ANO3: variants seen among roughly 807,000 people sequenced by gnomAD.
The protein encoded by ANO3 is anoctamin 3.
In ANO3, 99 loss-of-function variants were observed where a neutral mutation model predicts 144.8. The observed-to-expected ratio is 0.68, with a 90% CI of 0.58 to 0.81. The LOEUF is 0.81. Ranked by LOEUF, ANO3 falls within the 30% of genes least tolerant of loss-of-function variation. ANO3 has a pLI of 0.00. For missense variants in ANO3, 905 were observed against 1,202.2 expected, an observed-to-expected ratio of 0.75 and a Z score of 3.66; for synonymous variants, 414 against 392.6, an observed-to-expected ratio of 1.05 and a Z score of -0.64.
intron 14 of ANO3, among the ~76,000 whole-genome samples, chr11:26,579,485 CA>C (rs1365671974): frequency 6.6e-6 from 1 of 152,114 alleles, no homozygotes; most frequent in African/African-American, 2.4e-5. Context: ...ATAACAATGA[CA>C]AAAGACTTAC....
intron 1 of ANO3, among the ~76,000 whole-genome samples, chr11:26,276,410 T>C (rs191085650): frequency 1.2e-4 from 19 of 152,262 alleles, no homozygotes; most frequent in Middle Eastern, 6.8e-3. Context: ...TTCATTTGTA[T>C]AGGCAAATTT....
intron 1 of ANO3, among the ~76,000 whole-genome samples, chr11:26,401,018 T>A (rs117620216): frequency 0.044 from 6,653 of 152,128 alleles, 208 homozygotes; most frequent in Middle Eastern, 0.068. Flanking sequence ...TTTTGATACG[T>A]TTCTATGGCT....
intron 4 of ANO3, among the ~76,000 whole-genome samples, chr11:26,482,371 C>T (rs942027000): frequency 1.3e-5 from 2 of 151,114 alleles, no homozygotes. Context: ...TTGTTGAATA[C>T]TTACAAATCT....
intron 4 of ANO3, among the ~76,000 whole-genome samples, chr11:26,472,043 A>T (rs1859802976): frequency 6.6e-6 from 1 of 152,010 alleles, no homozygotes; most frequent in Non-Finnish European, 1.5e-5. Flanking sequence ...GGGATGTGAA[A>T]GTAAATTCAA....
chr11:26,403,453 G>A (rs1387732526), intron 1 of ANO3, among the ~76,000 whole-genome samples: 1 of 151,780 alleles, frequency 6.6e-6, no homozygotes, highest in Non-Finnish European at 1.5e-5. Flanking sequence ...AAATCCTTTT[G>A]GCTCTAATTT....
chr11:26,389,782 G>T (rs1224790611), intron 1 of ANO3, among the ~76,000 whole-genome samples: 1 of 151,876 alleles, frequency 6.6e-6, no homozygotes, highest in Admixed American at 6.6e-5. Context: ...TTTTCTTTTT[G>T]AATAAAAGAT....
rs188844916 is a variant in ANO3 at position 26,271,141 on chromosome 11, G to C, written c.155-38504G>C. 8.5e-5 allele frequency among the ~76,000 whole-genome samples: 13 copies of C among 152,338 alleles called. No homozygotes were observed. In the East Asian group the frequency reaches 9.6e-4, roughly 11 times the overall value. On this transcript the variant is annotated intron_variant, in intron 1 of 27. Transcript: ENST00000672621. ...CTTCTGAAAAGATAATTCTAAAAGA[G>C]TGACAGATCGTTTTCAAGAGAATGA...
At chr11:26,644,677 A>G (rs1230265647) in intron 23 of ANO3, among the ~76,000 whole-genome samples, 3 of 152,092 alleles carry the variant, frequency 2.0e-5, no homozygotes, top group East Asian at 1.9e-4. Flanking sequence ...TTGTTGTTCT[A>G]TTTACTAGCA....
chr11:26,395,765 C>T (rs1856996467), intron 1 of ANO3, among the ~76,000 whole-genome samples: 1 of 152,032 alleles, frequency 6.6e-6, no homozygotes, highest in African/African-American at 2.4e-5. Flanking sequence ...AAACTGGACC[C>T]CTTCCTTACA....
chr11:26,537,544 C>A, intron 10 of ANO3, 83 bp downstream of exon 10: 1 of 1,146,142 alleles, frequency 8.7e-7, no homozygotes, highest in Non-Finnish European at 1.3e-6. Context: ...TTGAATCTAG[C>A]TGTCCACTCC....
intron 17 of ANO3, among the ~76,000 whole-genome samples, chr11:26,608,064 G>C (rs10835012): frequency 0.28 from 42,334 of 152,136 alleles, 6,407 homozygotes; most frequent in South Asian, 0.46. Context: ...TCTCATCTTC[G>C]TTAGTTTGTC....
upstream of ANO3, among the ~76,000 whole-genome samples, chr11:26,328,532 G>A (rs917142205): frequency 1.3e-5 from 2 of 152,162 alleles, no homozygotes; most frequent in Admixed American, 6.5e-5. Flanking sequence ...CTCACAACTG[G>A]CTGAGCTGAG....
intron 1 of ANO3, among the ~76,000 whole-genome samples, chr11:26,370,739 T>G (rs1233625680): frequency 6.6e-6 from 1 of 152,168 alleles, no homozygotes; most frequent in Non-Finnish European, 1.5e-5. Flanking sequence ...GATAAGGCAC[T>G]TGTTGGAAAC....
At chr11:26,644,631 G>T (rs1853280737) in intron 23 of ANO3, among the ~76,000 whole-genome samples, 1 of 152,100 alleles carries the variant, frequency 6.6e-6, no homozygotes, top group African/African-American at 2.4e-5. Flanking sequence ...TTTTTGGATT[G>T]TTGTTCTATC....
At chr11:26,311,171 G>C (rs1221702733) in intron 1 of ANO3, among the ~76,000 whole-genome samples, 3 of 152,130 alleles carry the variant, frequency 2.0e-5, no homozygotes, top group South Asian at 4.1e-4. Context: ...AAAGAAATTG[G>C]TATTTATGAA....
chr11:26,564,690 TATAC>T (rs1176266905), intron 14 of ANO3, among the ~76,000 whole-genome samples: 6 of 18,672 alleles, frequency 3.2e-4, no homozygotes, highest in Admixed American at 8.2e-4. Flanking sequence ...TACTCATATA[TATAC>T]ACACACACAC....
chr11:26,569,395 C>T (rs1032503682), intron 14 of ANO3, among the ~76,000 whole-genome samples: 1 of 152,046 alleles, frequency 6.6e-6, no homozygotes, highest in Non-Finnish European at 1.5e-5. Context: ...TTTGTGAAGA[C>T]GGATTGTCCT....
chr11:26,497,238 A>G (rs1049358032), intron 4 of ANO3, among the ~76,000 whole-genome samples: 3 of 151,962 alleles, frequency 2.0e-5, no homozygotes, highest in Admixed American at 6.6e-5. Flanking sequence ...ATGTATATAT[A>G]TGTGTGTAGA....
At chr11:26,546,478 T>C (rs1010953648) in intron 11 of ANO3, among the ~76,000 whole-genome samples, 3 of 152,002 alleles carry the variant, frequency 2.0e-5, no homozygotes, top group African/African-American at 7.2e-5. Flanking sequence ...CACTGCTCAG[T>C]GCAATATGCC....
Sources: gnomAD v4.1 joint callset for allele counts (sites outside exome capture counted in the v4.1 genomes callset) on GRCh38, gnomAD v4.1.1 for gene constraint, MANE v1.5 for transcripts, NCBI Gene and HGNC (gene_info 2026-07-23, HGNC 2026-07-21) for gene names.